CD86: variants seen among roughly 807,000 people sequenced by gnomAD.
CD86 encodes the protein CD86 molecule.
CD86 carries 11 observed loss-of-function variants against 32.1 expected under a neutral mutation model. The ratio of observed to expected loss-of-function variants is 0.34; its 90% CI spans 0.22 to 0.57. The LOEUF is 0.57. Among genes scored for constraint, CD86 ranks in the 20% least tolerant of loss-of-function variants. The pLI is 0.86. For synonymous variants in CD86, 137 were observed against 135.3 expected (o/e 1.01, Z -0.09); for missense variants, 359 against 398.4 (o/e 0.90, Z 0.84).
At chr3:122,057,559 C>G (rs1246643944) in intron 1 of CD86, among the ~76,000 whole-genome samples, 1 of 151,982 alleles carries the variant, frequency 6.6e-6, no homozygotes, top group Non-Finnish European at 1.5e-5. Flanking sequence ...CTACTGTGTG[C>G]TTTTCAATTT....
chr3:122,108,798 A>C (rs577797786), intron 4 of CD86, among the ~76,000 whole-genome samples: 195 of 152,336 alleles, frequency 1.3e-3, no homozygotes, highest in African/African-American at 4.6e-3. Context: ...GGCCTGTGGA[A>C]GCTGTTCCAT....
intron 1 of CD86, among the ~76,000 whole-genome samples, chr3:122,085,192 C>G (rs1350202342): frequency 6.6e-6 from 1 of 152,134 alleles, no homozygotes; most frequent in Non-Finnish European, 1.5e-5. Context: ...ATAACTGTAT[C>G]AATATTAATC....
At chr3:122,078,397 C>T (rs565836255) in intron 1 of CD86, among the ~76,000 whole-genome samples, 1 of 152,254 alleles carries the variant, frequency 6.6e-6, no homozygotes, top group South Asian at 2.1e-4. Flanking sequence ...AAGAAGCAGT[C>T]CAAAGATGTC....
chr3:122,059,890 C>T (rs985534100), intron 1 of CD86, among the ~76,000 whole-genome samples: 2 of 152,188 alleles, frequency 1.3e-5, no homozygotes, highest in African/African-American at 4.8e-5. Context: ...AGACACAGGG[C>T]GAAGACGGCC....
At chr3:122,092,715 C>A (rs1174629110) in intron 2 of CD86, among the ~76,000 whole-genome samples, 1 of 152,162 alleles carries the variant, frequency 6.6e-6, no homozygotes, top group Non-Finnish European at 1.5e-5. Context: ...GGAAGCCACC[C>A]CACTAAGACA....
At chr3:122,097,055 A>G (rs900344993) in intron 2 of CD86, among the ~76,000 whole-genome samples, 1 of 152,248 alleles carries the variant, frequency 6.6e-6, no homozygotes, top group South Asian at 2.1e-4. Context: ...GAATTTTACC[A>G]GCAGTAAATT....
At chr3:122,088,073 C>T (rs1396824572) in intron 1 of CD86, among the ~76,000 whole-genome samples, 1 of 152,008 alleles carries the variant, frequency 6.6e-6, no homozygotes, top group African/African-American at 2.4e-5. Context: ...GTTTGTCATG[C>T]CACCCCAGAA....
intron 1 of CD86, among the ~76,000 whole-genome samples, chr3:122,066,497 C>G (rs1027410309): frequency 1.3e-5 from 2 of 152,192 alleles, no homozygotes; most frequent in Non-Finnish European, 2.9e-5. Flanking sequence ...ATTCTATATC[C>G]TGCTAAAAGC....
intron 1 of CD86, among the ~76,000 whole-genome samples, chr3:122,088,968 T>C (rs1190547846): frequency 6.6e-6 from 1 of 152,194 alleles, no homozygotes; most frequent in African/African-American, 2.4e-5. Context: ...AAATGTAGTA[T>C]GTACATACAG....
chr3:122,102,485 T>C (rs879421545), intron 2 of CD86, among the ~76,000 whole-genome samples: 2 of 130,354 alleles, frequency 1.5e-5, no homozygotes, highest in Admixed American at 1.7e-4. Context: ...ACAAACCCCG[T>C]GATCATTCAC....
rs1417103368 is a variant in CD86, at chr3:122,120,681, G to T, written c.*1147G>T. 1.3e-5 allele frequency: 2 copies of T among 152,362 alleles called. No individual in the cohort carries two copies. The highest frequency in any genetic ancestry group is 2.9e-5 in the Non-Finnish European group (2 of 68,138). The allele number at this position is 152,362 out of a possible 1,614,324, so 9.4% of individuals were successfully genotyped here. ...GACTTTCCACTCCTGGCTGAGAGAG[G>T]AAGAGCTGCAACGGAATTAGGAAGA... On this transcript the variant is annotated 3_prime_UTR_variant, in exon 7 of 7. Transcript: ENST00000330540.
At chr3:122,090,254 A>T (rs778818060) in intron 1 of CD86, among the ~76,000 whole-genome samples, 2 of 152,222 alleles carry the variant, frequency 1.3e-5, no homozygotes, top group Non-Finnish European at 2.9e-5. Context: ...TTCTAGCCCA[A>T]TGTCCTGCAC....
chr3:122,059,138 A>G (rs2072286012), intron 1 of CD86, among the ~76,000 whole-genome samples: 1 of 152,136 alleles, frequency 6.6e-6, no homozygotes, highest in Non-Finnish European at 1.5e-5. Context: ...GCAGACAAGT[A>G]GATATTTAGG....
intron 4 of CD86, among the ~76,000 whole-genome samples, chr3:122,108,604 C>G (rs1364180389): frequency 6.6e-6 from 1 of 152,108 alleles, no homozygotes; most frequent in African/African-American, 2.4e-5. Context: ...TTTCCAACTC[C>G]CCAGAAACTT....
At chr3:122,093,692 T>C (rs183559430) in intron 2 of CD86, among the ~76,000 whole-genome samples, 14 of 152,370 alleles carry the variant, frequency 9.2e-5, no homozygotes, top group Non-Finnish European at 2.1e-4. Context: ...CATGACAGTA[T>C]ATGCATATAT....
intron 1 of CD86, among the ~76,000 whole-genome samples, chr3:122,085,393 G>A (rs1456581885): frequency 6.6e-6 from 1 of 151,018 alleles, no homozygotes; most frequent in Admixed American, 6.6e-5. Context: ...TGCTCAAGAG[G>A]GTTTCTGCCC....
chr3:122,100,676 G>A (rs1422811474), intron 2 of CD86, among the ~76,000 whole-genome samples: 1 of 152,188 alleles, frequency 6.6e-6, no homozygotes, highest in Non-Finnish European at 1.5e-5. Context: ...CAACAGTAGA[G>A]TGTATTGCTC....
At chr3:122,060,599 G>A (rs74810535) in intron 1 of CD86, among the ~76,000 whole-genome samples, 1,707 of 151,894 alleles carry the variant, frequency 0.011, 30 homozygotes, top group African/African-American at 0.038. Flanking sequence ...ACCAGTCTGA[G>A]CAACATAGCG....
chr3:122,106,842 A>G (rs2681418), intron 4 of CD86, among the ~76,000 whole-genome samples: 28 of 149,930 alleles, frequency 1.9e-4, no homozygotes, highest in African/African-American at 6.2e-4. Flanking sequence ...ATGCGCTTGC[A>G]CACACACACA....
Sources: allele counts gnomAD v4.1 joint callset (sites outside exome capture counted in the v4.1 genomes callset), GRCh38; gene constraint gnomAD v4.1.1; transcripts MANE v1.5; gene names NCBI Gene and HGNC (gene_info 2026-07-23, HGNC 2026-07-21).